The following MACROD2 variants were observed in gnomAD, a reference collection of about 807,000 sequenced individuals.
The protein encoded by MACROD2 is mono-ADP ribosylhydrolase 2.
Under a neutral mutation model 70.4 loss-of-function variants are expected in MACROD2, and 36 were observed. The observed-to-expected ratio is 0.51, with a 90% CI of 0.39 to 0.68. The LOEUF is 0.68. Ranked by LOEUF, MACROD2 falls within the 30% of genes least tolerant of loss-of-function variation. The probability of loss-of-function intolerance (pLI) is 0.00; values close to 1 mark genes in which losing one functional copy is unlikely to be tolerated. For synonymous variants in MACROD2, 172 were observed against 178.8 expected, an observed-to-expected ratio of 0.96 and a Z score of 0.30; for missense variants, 496 against 538.4, an observed-to-expected ratio of 0.92 and a Z score of 0.78.
intron 5 of MACROD2, among the ~76,000 whole-genome samples, chr20:14,923,993 A>G (rs1016230275): frequency 5.3e-5 from 8 of 152,168 alleles, no homozygotes; most frequent in African/African-American, 1.9e-4. Flanking sequence ...GAGGTCATAT[A>G]TAGACCACGA....
intron 3 of MACROD2, among the ~76,000 whole-genome samples, chr20:14,271,214 C>G (rs1252289697): frequency 6.6e-6 from 1 of 152,200 alleles, no homozygotes; most frequent in African/African-American, 2.4e-5. Context: ...GACCCCTGAC[C>G]CCCGAGCAGC....
At chr20:15,682,230 A>T in intron 8 of MACROD2, among the ~76,000 whole-genome samples, 1 of 152,218 alleles carries the variant, frequency 6.6e-6, no homozygotes, top group Non-Finnish European at 1.5e-5. Flanking sequence ...GAAACGTAAA[A>T]GTAGGAACCC....
At chr20:14,129,168 C>A (rs946048900) in intron 3 of MACROD2, among the ~76,000 whole-genome samples, 23 of 152,194 alleles carry the variant, frequency 1.5e-4, no homozygotes, top group Admixed American at 1.0e-3. Flanking sequence ...AAAAAAGTAA[C>A]CATTCTAGAT....
intron 5 of MACROD2, among the ~76,000 whole-genome samples, chr20:15,073,274 A>AC (rs2075632729): frequency 6.6e-6 from 1 of 152,144 alleles, no homozygotes; most frequent in Non-Finnish European, 1.5e-5. Flanking sequence ...GTCTCCAACT[A>AC]CTATCAAAGA....
intron 5 of MACROD2, among the ~76,000 whole-genome samples, chr20:14,721,100 A>G (rs1038183350): frequency 5.9e-5 from 9 of 151,826 alleles, no homozygotes; most frequent in African/African-American, 2.2e-4. Flanking sequence ...ACTAAAATAC[A>G]AAAAGTTAGC....
intron 3 of MACROD2, among the ~76,000 whole-genome samples, chr20:14,102,868 A>G (rs959407372): frequency 2.0e-5 from 3 of 151,926 alleles, no homozygotes; most frequent in Admixed American, 6.6e-5. Flanking sequence ...TGGACTCTAC[A>G]CTGGTTATAG....
intron 8 of MACROD2, among the ~76,000 whole-genome samples, chr20:15,748,479 G>A (rs556332729): frequency 5.4e-4 from 82 of 151,830 alleles, no homozygotes; most frequent in African/African-American, 1.9e-3. Flanking sequence ...GGGGCTTGTG[G>A]TGGAATATAG....
intron 3 of MACROD2, among the ~76,000 whole-genome samples, chr20:14,454,871 G>C (rs1300605074): frequency 6.7e-6 from 1 of 149,920 alleles, no homozygotes; most frequent in Non-Finnish European, 1.5e-5. Flanking sequence ...TCCTGCCTCA[G>C]CCTCCCTAGT....
intron 8 of MACROD2, among the ~76,000 whole-genome samples, chr20:15,644,761 C>T (rs559307611): frequency 1.3e-5 from 2 of 152,184 alleles, no homozygotes; most frequent in South Asian, 4.1e-4. Flanking sequence ...ACGGTCTCGG[C>T]TCAGTGCAAC....
At chr20:15,095,841 T>C (rs557484263) in intron 5 of MACROD2, among the ~76,000 whole-genome samples, 1 of 150,506 alleles carries the variant, frequency 6.6e-6, no homozygotes, top group African/African-American at 2.4e-5. Flanking sequence ...GTTCTTTATG[T>C]TTGAATAACA....
At chr20:14,289,262 A>G (rs1646437124) in intron 3 of MACROD2, among the ~76,000 whole-genome samples, 1 of 152,188 alleles carries the variant, frequency 6.6e-6, no homozygotes, top group African/African-American at 2.4e-5. Context: ...AAAGTGATTC[A>G]TCCCGTTCAA....
intron 8 of MACROD2, among the ~76,000 whole-genome samples, chr20:15,666,773 T>C (rs1398263361): frequency 6.6e-6 from 1 of 152,200 alleles, no homozygotes; most frequent in African/African-American, 2.4e-5. Flanking sequence ...CCAGCACCCC[T>C]GCACAACCAC....
At chr20:14,385,076 T>A (rs1346667516) in intron 3 of MACROD2, among the ~76,000 whole-genome samples, 3 of 152,050 alleles carry the variant, frequency 2.0e-5, no homozygotes, top group Non-Finnish European at 4.4e-5. Flanking sequence ...GCCATCAAAT[T>A]GGGGACAAGT....
At chr20:15,036,464 C>A (rs1349587374) in intron 5 of MACROD2, among the ~76,000 whole-genome samples, 2 of 152,102 alleles carry the variant, frequency 1.3e-5, no homozygotes, top group African/African-American at 2.4e-5. Flanking sequence ...ACTCTGGTAT[C>A]CCCCTTCCCC....
At chr20:14,655,751 G>T (rs1174516933) in intron 4 of MACROD2, among the ~76,000 whole-genome samples, 1 of 152,102 alleles carries the variant, frequency 6.6e-6, no homozygotes, top group African/African-American at 2.4e-5. Context: ...TAATCAAATA[G>T]AAATTAACTT....
rs763552921 is a variant in MACROD2 at position 14,401,881 on chromosome 20, G to A, written c.272-91598G>A. 1.5e-3 allele frequency among the ~76,000 whole-genome samples: 223 copies of A among 152,156 alleles called. 1 individual carries two copies. The highest frequency in any genetic ancestry group is 3.4e-3 in the Middle Eastern group (1 of 294). On this transcript the variant is annotated intron_variant, in intron 3 of 17. Transcript: ENST00000684519. ...TCATACTGATCTTGTATGGGAGAGG[G>A]TGTGTCAGTACTGTTGCTTCCTGCT...
At chr20:15,927,628 G>A (rs570443104) in intron 10 of MACROD2, among the ~76,000 whole-genome samples, 3 of 152,198 alleles carry the variant, frequency 2.0e-5, no homozygotes, top group South Asian at 2.1e-4. Context: ...TGTAGGAAGC[G>A]GCAGCTATGA....
intron 2 of MACROD2, among the ~76,000 whole-genome samples, chr20:14,012,834 T>A (rs2052932407): frequency 6.6e-6 from 1 of 152,230 alleles, no homozygotes; most frequent in African/African-American, 2.4e-5. Flanking sequence ...ATACTTGAAA[T>A]ACTTGAGGTC....
rs6110330 is a variant in MACROD2 at position 14,560,885 on chromosome 20, C to T, written c.301+67377C>T. Reference sequence around the variant, plus strand: ...TGCCTTTTTACCTCTTAATTTCTCTCTTATGAATAGACTTTAGAATTTGAC... The same window carrying T: ...TGCCTTTTTACCTCTTAATTTCTCTTTTATGAATAGACTTTAGAATTTGAC... On this transcript the variant is annotated intron_variant, in intron 4 of 17. Coordinates refer to ENST00000684519, the MANE Select transcript of MACROD2 (RefSeq NM_001351661.2). Among the ~76,000 whole-genome samples the T allele has an allele frequency of 1.3e-3, 202 of 151,870 alleles. 1 individual carries two copies. The highest frequency in any genetic ancestry group is 4.5e-3 in the African/African-American group (187 of 41,488).
Sources: gnomAD v4.1 joint callset for allele counts (sites outside exome capture counted in the v4.1 genomes callset) on GRCh38, gnomAD v4.1.1 for gene constraint, MANE v1.5 for transcripts, NCBI Gene and HGNC (gene_info 2026-07-23, HGNC 2026-07-21) for gene names.